NUBPL: variants seen among roughly 807,000 people sequenced by gnomAD.
NUBPL encodes NUBP iron-sulfur cluster assembly factor, mitochondrial.
In NUBPL, 31 loss-of-function variants were observed where a neutral mutation model predicts 45.7. That is an observed-to-expected ratio of 0.68 (90% confidence interval 0.51 to 0.92). The LOEUF (loss-of-function observed/expected upper bound fraction) is 0.92, where lower values mean the gene tolerates loss of function less well. Among genes scored for constraint, NUBPL ranks in the 40% least tolerant of loss-of-function variants. NUBPL has a pLI of 0.00. For missense variants in NUBPL, 401 were observed against 398.7 expected, an observed-to-expected ratio of 1.01 and a Z score of -0.05; for synonymous variants, 144 against 140.9, an observed-to-expected ratio of 1.02 and a Z score of -0.15.
intron 6 of NUBPL, among the ~76,000 whole-genome samples, chr14:31,707,663 G>T (rs1012911061): frequency 6.6e-6 from 1 of 152,114 alleles, no homozygotes; most frequent in African/African-American, 2.4e-5. Context: ...GTTCCTTGCT[G>T]AGGGCCCTGG....
chr14:31,773,027 G>C (rs1346161711), intron 6 of NUBPL, among the ~76,000 whole-genome samples: 2 of 152,102 alleles, frequency 1.3e-5, no homozygotes, highest in Non-Finnish European at 2.9e-5. Context: ...GCTCTTACCT[G>C]AACAATCTCA....
chr14:31,831,583 C>T (rs938770924), intron 8 of NUBPL, among the ~76,000 whole-genome samples: 5 of 151,968 alleles, frequency 3.3e-5, no homozygotes, highest in Non-Finnish European at 5.9e-5. Flanking sequence ...TGTAGTTTCT[C>T]GCTAAATATA....
intron 3 of NUBPL, among the ~76,000 whole-genome samples, chr14:31,581,527 C>A (rs2033864111): frequency 6.6e-6 from 1 of 152,118 alleles, no homozygotes; most frequent in East Asian, 1.9e-4. Context: ...AAATTGTTAT[C>A]AAGGTTCATC....
chr14:31,748,880 A>G (rs2140015187), intron 6 of NUBPL, among the ~76,000 whole-genome samples: 1 of 152,118 alleles, frequency 6.6e-6, no homozygotes, highest in South Asian at 2.1e-4. Context: ...CTAAAGTGCT[A>G]GGATTACAGG....
intron 6 of NUBPL, among the ~76,000 whole-genome samples, chr14:31,706,567 G>T (rs1318313218): frequency 6.6e-6 from 1 of 152,170 alleles, no homozygotes; most frequent in Non-Finnish European, 1.5e-5. Flanking sequence ...TCCTGTAAAT[G>T]CCGGGTGGCA....
At chr14:31,600,302 C>T (rs572456040) in intron 4 of NUBPL, among the ~76,000 whole-genome samples, 2 of 152,246 alleles carry the variant, frequency 1.3e-5, no homozygotes, top group African/African-American at 4.8e-5. Flanking sequence ...TTGGGGGTGC[C>T]TGGAGCTATC....
rs948477830 is a variant in NUBPL, at chr14:31,790,800, G to A, written c.607+2927G>A. Among the ~76,000 whole-genome samples the A allele has an allele frequency of 6.7e-4, 102 of 152,152 alleles. 1 individual carries two copies. The highest frequency in any genetic ancestry group is 4.6e-4 in the African/African-American group (19 of 41,528). The stretch of plus-strand genomic sequence containing the variant: ...TGGGAGGTGGAGCTTGCAGTGAGCC[G>A]AGATCGCGCCACTGCACTCCAGCCT... On this transcript the variant is annotated intron_variant, in intron 7 of 10. Transcript: ENST00000281081.
intron 6 of NUBPL, among the ~76,000 whole-genome samples, chr14:31,786,760 G>C (rs1274143420): frequency 6.6e-6 from 1 of 152,224 alleles, no homozygotes; most frequent in Non-Finnish European, 1.5e-5. Flanking sequence ...TTTAAGCTGG[G>C]ATCTGAAGAA....
At chr14:31,580,430 T>G (rs1040862320) in intron 3 of NUBPL, among the ~76,000 whole-genome samples, 4 of 152,138 alleles carry the variant, frequency 2.6e-5, no homozygotes, top group Non-Finnish European at 1.5e-5. Flanking sequence ...TGAGACCAGC[T>G]TGAGCAACAT....
chr14:31,724,335 T>C (rs1164779491), intron 6 of NUBPL, among the ~76,000 whole-genome samples: 1 of 152,172 alleles, frequency 6.6e-6, no homozygotes, highest in Non-Finnish European at 1.5e-5. Context: ...TCTAATAAAA[T>C]CACTTTAAAG....
chr14:31,823,727 T>C (rs1047160037), intron 7 of NUBPL, among the ~76,000 whole-genome samples: 52 of 152,222 alleles, frequency 3.4e-4, no homozygotes, highest in African/African-American at 1.2e-3. Context: ...GAGTGATTCT[T>C]AGTTATTTGT....
At position 31,714,764 on chromosome 14, in the gene NUBPL, A is replaced by T. The variant is rs11624772; in HGVS notation, c.513+41190A>T. 44,435 of 152,044 alleles carry T rather than the reference A, an allele frequency of 0.29. 7,441 individuals carry two copies. Among genetic ancestry groups the T allele is most frequent in the South Asian group, 0.41 (1,966 of 4,816 alleles). The allele number at this position is 152,044 out of a possible 1,614,324, so 9.4% of individuals were successfully genotyped here. On this transcript the variant is annotated intron_variant, in intron 6 of 10. Transcript: ENST00000281081. ...AAACATCCACACCATACCACAAATA[A>T]AAAGTCCCAGAGTTGTCTACTTTCA... is the stretch of plus-strand genomic sequence containing the variant.
chr14:31,680,589 G>C (rs939000502), intron 6 of NUBPL, among the ~76,000 whole-genome samples: 4 of 151,758 alleles, frequency 2.6e-5, no homozygotes, highest in African/African-American at 9.7e-5. Flanking sequence ...GAGTAATATT[G>C]TAATTATAGT....
intron 6 of NUBPL, among the ~76,000 whole-genome samples, chr14:31,716,004 TCTTTTA>T (rs1278488232): frequency 6.6e-6 from 1 of 152,178 alleles, no homozygotes; most frequent in Non-Finnish European, 1.5e-5. Flanking sequence ...AATTTTTTTT[TCTTTTA>T]CTTAAAAAAT....
intron 8 of NUBPL, among the ~76,000 whole-genome samples, chr14:31,841,917 C>CTTTTGTTTTTGTTTTTGTTTTTTT: frequency 4.6e-5 from 2 of 43,036 alleles, no homozygotes; most frequent in Non-Finnish European, 8.5e-5. Context: ...CGATTCTGGG[C>CTTTTGTTTTTGTTTTTGTTTTTTT]TTTTTTTTTT....
chr14:31,851,386 TGTAAAGTAAGA>T (rs1219551829), intron 10 of NUBPL, among the ~76,000 whole-genome samples: 2 of 152,198 alleles, frequency 1.3e-5, no homozygotes, highest in African/African-American at 4.8e-5. Context: ...TGGTTAGAGC[TGTAAAGTAAGA>T]GTAAATGAAC....
At chr14:31,656,595 A>G (rs993915952) in intron 4 of NUBPL, among the ~76,000 whole-genome samples, 1 of 152,100 alleles carries the variant, frequency 6.6e-6, no homozygotes, top group African/African-American at 2.4e-5. Flanking sequence ...AGAGAGAGAT[A>G]GGGGGATGGG....
intron 8 of NUBPL, among the ~76,000 whole-genome samples, chr14:31,833,499 T>C (rs1459260099): frequency 6.6e-6 from 1 of 152,228 alleles, no homozygotes; most frequent in African/African-American, 2.4e-5. Flanking sequence ...TTATTTTGAG[T>C]CTAAAATTCT....
At chr14:31,624,056 G>A (rs11621112) in intron 4 of NUBPL, among the ~76,000 whole-genome samples, 10,139 of 152,212 alleles carry the variant, frequency 0.067, 432 homozygotes, top group Non-Finnish European at 0.091. Context: ...GACTAGATGC[G>A]ATGTAGGGGC....
Sources: allele counts gnomAD v4.1 joint callset (sites outside exome capture counted in the v4.1 genomes callset), GRCh38; gene constraint gnomAD v4.1.1; transcripts MANE v1.5; gene names NCBI Gene and HGNC (gene_info 2026-07-23, HGNC 2026-07-21).